Variants in SPIRE1 observed in about 807,000 individuals in gnomAD.
SPIRE1 encodes the protein spire type actin nucleation factor 1.
In SPIRE1, 40 loss-of-function variants were observed where a neutral mutation model predicts 94.1. The observed-to-expected ratio is 0.43, with a 90% confidence interval of 0.33 to 0.55. SPIRE1 has a LOEUF of 0.55. SPIRE1 is among the 20% of genes least tolerant of loss of function. The pLI, the probability that SPIRE1 is intolerant of heterozygous loss-of-function variation, is 0.06. For synonymous variants in SPIRE1, 376 were observed against 371.7 expected, an observed-to-expected ratio of 1.01 and a Z score of -0.13; for missense variants, 838 against 975.2, an observed-to-expected ratio of 0.86 and a Z score of 1.87.
intron 2 of SPIRE1, among the ~76,000 whole-genome samples, chr18:12,595,469 G>A (rs900306309): frequency 3.4e-4 from 52 of 152,160 alleles, no homozygotes; most frequent in African/African-American, 1.1e-3. Flanking sequence ...TAACCACCAC[G>A]TTGTTCAGGG....
At chr18:12,617,708 C>T (rs187101124) in intron 2 of SPIRE1, among the ~76,000 whole-genome samples, 1 of 152,136 alleles carries the variant, frequency 6.6e-6, no homozygotes, top group Admixed American at 6.5e-5. Flanking sequence ...CCATACCCGG[C>T]CTCCCGGCTA....
rs1432984150 is a variant in SPIRE1 at position 12,448,677 on chromosome 18, C to A, written c.*961G>T. On this transcript the variant is annotated 3_prime_UTR_variant, in exon 17 of 17. Transcript: ENST00000409402. This position sits in a 1 kb window ranked among gnomAD's most constrained non-coding sequence, Gnocchi z 4.4. ...AATTTTAGTTTGAGACCCTAGGTAC[C>A]AAATTGTGGCTTAATTTACTCAAGA... 2 of 152,040 alleles carry A rather than the reference C, an allele frequency of 1.3e-5. No individual in the cohort carries two copies. The highest frequency in any genetic ancestry group is 4.8e-5 in the African/African-American group (2 of 41,368). 9.4% of individuals were successfully genotyped at this position (152,040 alleles called of 1,614,324 possible). A position where few individuals can be genotyped will look rare whatever the true frequency, so the allele number is the denominator to read the frequency against.
upstream of SPIRE1, among the ~76,000 whole-genome samples, chr18:12,661,173 T>C (rs2038689370): frequency 6.6e-6 from 1 of 152,044 alleles, no homozygotes; most frequent in African/African-American, 2.4e-5. Context: ...CTGGGCATGG[T>C]GGCAGGCACC....
intron 16 of SPIRE1, chr18:12,450,971 C>A: frequency 3.5e-5 from 20 of 572,732 alleles, no homozygotes; most frequent in East Asian, 7.3e-5. Flanking sequence ...TAAAGTTGCC[C>A]AGAAAAAGGT....
upstream of SPIRE1, among the ~76,000 whole-genome samples, chr18:12,660,173 C>T (rs1687812394): frequency 6.6e-6 from 1 of 152,150 alleles, no homozygotes; most frequent in African/African-American, 2.4e-5. Flanking sequence ...AGCCATTAAC[C>T]TGCTAACCCT....
chr18:12,636,511 T>G (rs1429379784), intron 1 of SPIRE1, among the ~76,000 whole-genome samples: 1 of 108,948 alleles, frequency 9.2e-6, no homozygotes, highest in African/African-American at 2.8e-5. Flanking sequence ...TTGAAATGAG[T>G]TGGTTGAAAA....
At chr18:12,619,651 G>C (rs1243296781) in intron 2 of SPIRE1, among the ~76,000 whole-genome samples, 2 of 151,906 alleles carry the variant, frequency 1.3e-5, no homozygotes, top group South Asian at 2.1e-4. Context: ...TTTAAGACCA[G>C]CCTGGCCAAC....
At chr18:12,554,875 A>C (rs1598465639) in intron 2 of SPIRE1, among the ~76,000 whole-genome samples, 1 of 152,196 alleles carries the variant, frequency 6.6e-6, no homozygotes, top group African/African-American at 2.4e-5. Context: ...AACACTTGAA[A>C]AAGTTTCATT....
chr18:12,508,005 G>A (rs999508989), intron 5 of SPIRE1, among the ~76,000 whole-genome samples: 3 of 151,982 alleles, frequency 2.0e-5, no homozygotes, highest in Non-Finnish European at 4.4e-5. Flanking sequence ...AATTAGCCGG[G>A]TGTGGTGGCA....
At chr18:12,583,494 C>A (rs781750665) in intron 2 of SPIRE1, among the ~76,000 whole-genome samples, 2 of 151,816 alleles carry the variant, frequency 1.3e-5, no homozygotes, top group African/African-American at 4.8e-5. Context: ...CCCAGCTACT[C>A]GGGAGGCTGA....
intron 2 of SPIRE1, among the ~76,000 whole-genome samples, chr18:12,552,352 GGCA>G (rs1343154712): frequency 6.6e-6 from 1 of 152,116 alleles, no homozygotes; most frequent in East Asian, 1.9e-4. Flanking sequence ...CCCAACGCCA[GGCA>G]GCACAGTCTG....
chr18:12,623,206 T>G (rs1187672398), intron 2 of SPIRE1, among the ~76,000 whole-genome samples: 2 of 152,078 alleles, frequency 1.3e-5, no homozygotes, highest in South Asian at 4.1e-4. Context: ...CAGGCTGGAG[T>G]GCAGTGGCGT....
At chr18:12,509,239 T>C (rs1466498447) in intron 5 of SPIRE1, among the ~76,000 whole-genome samples, 2 of 152,226 alleles carry the variant, frequency 1.3e-5, no homozygotes, top group Admixed American at 1.3e-4. Flanking sequence ...AGTGGTCTTA[T>C]GAGGAGGAAG....
intron 1 of SPIRE1, among the ~76,000 whole-genome samples, chr18:12,644,527 A>C (rs923467653): frequency 4.6e-5 from 7 of 152,332 alleles, no homozygotes; most frequent in Admixed American, 1.3e-4. Flanking sequence ...AACAAATTCA[A>C]GATAATATAA....
chr18:12,490,001 CA>C (rs2033177414), intron 8 of SPIRE1, among the ~76,000 whole-genome samples: 1 of 152,124 alleles, frequency 6.6e-6, no homozygotes, highest in African/African-American at 2.4e-5. Flanking sequence ...CCAATATTAT[CA>C]GAACTGAACT....
intron 12 of SPIRE1, 97 bp downstream of exon 12, chr18:12,463,254 G>A (rs550180087): frequency 1.6e-6 from 2 of 1,259,244 alleles, no homozygotes; most frequent in Admixed American, 4.9e-5. Flanking sequence ...TCTAACTTTT[G>A]CAAGTTTTTT....
In SPIRE1 at chr18:12,481,136, C is replaced by A. The variant is rs977711778; in HGVS notation, c.1232-1265G>T. ...ATTGAGGTCAGGAGTTTGAGACCAGCCTGACCAACATGGTGAAACCCCGTC... is the reference window on the plus strand; with the variant it reads ...ATTGAGGTCAGGAGTTTGAGACCAGACTGACCAACATGGTGAAACCCCGTC... On this transcript the variant is annotated intron_variant, in intron 9 of 16. Coordinates refer to ENST00000409402, the MANE Select transcript of SPIRE1 (RefSeq NM_001128626.2). Among the ~76,000 whole-genome samples the A allele has an allele frequency of 1.3e-5, 2 of 151,932 alleles. 1 individual carries two copies. The highest frequency in any genetic ancestry group is 4.2e-4 in the South Asian group (2 of 4,798).
chr18:12,572,853 C>T (rs1157774059), intron 2 of SPIRE1, among the ~76,000 whole-genome samples: 2 of 152,134 alleles, frequency 1.3e-5, no homozygotes, highest in African/African-American at 4.8e-5. Context: ...TGAATCTAGA[C>T]ATGGACCTTA....
intron 6 of SPIRE1, among the ~76,000 whole-genome samples, chr18:12,503,583 C>T (rs1234175967): frequency 6.6e-6 from 1 of 152,112 alleles, no homozygotes; most frequent in Admixed American, 6.6e-5. Flanking sequence ...GATCCCATTG[C>T]TGCTTGATCT....
Sources: allele counts gnomAD v4.1 joint callset (sites outside exome capture counted in the v4.1 genomes callset), GRCh38; gene constraint gnomAD v4.1.1; non-coding constraint Gnocchi (gnomAD v3.1); transcripts MANE v1.5; gene names NCBI Gene and HGNC (gene_info 2026-07-23, HGNC 2026-07-21).